Variants in NRK observed in about 807,000 individuals in gnomAD.
The protein encoded by NRK is nik-related protein kinase.
In NRK, 67 loss-of-function variants were observed where a neutral mutation model predicts 125.2. The observed-to-expected ratio is 0.54, with a 90% CI of 0.44 to 0.66. The LOEUF (loss-of-function observed/expected upper bound fraction) is 0.66. Ranked by LOEUF, NRK falls within the 30% of genes least tolerant of loss-of-function variation. The probability of loss-of-function intolerance (pLI) is 0.00; values close to 1 mark genes in which losing one functional copy is unlikely to be tolerated. For missense variants in NRK, 1,224 were observed against 1,192.9 expected, an observed-to-expected ratio of 1.03 and a Z score of -0.38; for synonymous variants, 458 against 429.0, an observed-to-expected ratio of 1.07 and a Z score of -0.84.
chrX:105,844,011 GTGTGTGTC>G (rs1344131596), intron 2 of NRK, among the ~76,000 whole-genome samples: 2 of 87,253 alleles, frequency 2.3e-5, no homozygotes, highest in Non-Finnish European at 4.5e-5. Flanking sequence ...GTGTGTGTGT[GTGTGTGTC>G]TGTGTGTGTG....
chrX:105,859,933 G>T (rs2039580312), intron 2 of NRK, among the ~76,000 whole-genome samples: 1 of 111,858 alleles, frequency 8.9e-6, no homozygotes, highest in Admixed American at 9.5e-5. Context: ...TAGCTTAGAT[G>T]ACCCTGAACC....
chrX:105,924,811 G>A lies in NRK; in HGVS notation c.3092G>A (p.Ser1031Asn). 7.4e-6 allele frequency: 9 copies of A among 1,210,587 alleles called. No homozygotes were observed. The highest frequency in any genetic ancestry group is 1.0e-5 in the Non-Finnish European group (9 of 894,800). ...SHTANRSHGG[S>N]AASEDNAAIG... ...ACAGCCAATAGAAGCCATGGAGGAA[G>A]TGCAGCCAGTGAGGACAATGCAGCC... Residue 1031 changes from serine to asparagine, a missense_variant, in exon 19 of 29, where the codon AGT (serine) becomes AAT (asparagine). By Grantham distance (46) the Ser-to-Asn change is conservative (BLOSUM62 1). Coordinates refer to ENST00000243300, the MANE Select transcript of NRK (RefSeq NM_198465.4).
intron 1 of NRK, among the ~76,000 whole-genome samples, chrX:105,825,611 G>A (rs949339821): frequency 1.3e-4 from 14 of 111,811 alleles, no homozygotes; most frequent in Non-Finnish European, 2.6e-4. Context: ...TTTGTTATTA[G>A]ATAGATATTA....
At chrX:105,929,764 G>C (rs181132518) in intron 19 of NRK, among the ~76,000 whole-genome samples, 22 of 111,539 alleles carry the variant, frequency 2.0e-4, no homozygotes, top group South Asian at 1.5e-3. Context: ...TTTCTTGTAA[G>C]ACCTCTCTAG....
intron 2 of NRK, among the ~76,000 whole-genome samples, chrX:105,866,992 G>A (rs1408391547): frequency 9.0e-6 from 1 of 110,561 alleles, no homozygotes; most frequent in African/African-American, 3.3e-5. Flanking sequence ...GTGAATTTTT[G>A]TTGAATTGGT....
At chrX:105,877,293 A>G (rs2039827387) in intron 2 of NRK, among the ~76,000 whole-genome samples, 1 of 111,836 alleles carries the variant, frequency 8.9e-6, no homozygotes, top group African/African-American at 3.2e-5. Context: ...CTTGTCACAC[A>G]CTGGAGAAGT....
intron 2 of NRK, among the ~76,000 whole-genome samples, chrX:105,877,538 A>G (rs1157212608): frequency 2.7e-5 from 3 of 111,411 alleles, no homozygotes; most frequent in Non-Finnish European, 3.8e-5. Context: ...AAACTGCTCT[A>G]TAAGTCTAAA....
At chrX:105,829,510 C>G (rs1194503860) in intron 1 of NRK, among the ~76,000 whole-genome samples, 3 of 111,659 alleles carry the variant, frequency 2.7e-5, no homozygotes, top group African/African-American at 9.8e-5. Context: ...CTACTCATGC[C>G]TTATATAAGT....
intron 24 of NRK, among the ~76,000 whole-genome samples, chrX:105,944,555 C>T (rs2040788625): frequency 9.0e-6 from 1 of 111,703 alleles, no homozygotes; most frequent in Admixed American, 9.5e-5. Context: ...ATATGAAGAC[C>T]TTCTCTTTCA....
Position 105,822,763 on chromosome X carries a change from C to G in NRK, c.-83C>G. On this transcript the variant is annotated 5_prime_UTR_variant, in exon 1 of 29. Transcript: ENST00000243300. ...CCCGCCCTCCTCCTTCCTCTCTCCT[C>G]CCTTCAACTCTTCATCCGCTTCCAC... 1.1e-6 allele frequency: 1 copy of G among 911,714 alleles called. No homozygotes were observed. The highest frequency in any genetic ancestry group is 1.6e-6 in the Non-Finnish European group (1 of 638,535). The allele number at this position is 911,714 out of a possible 1,213,427, so 75.1% of individuals were successfully genotyped here.
intron 2 of NRK, among the ~76,000 whole-genome samples, chrX:105,879,200 T>C (rs149257813): frequency 7.8e-4 from 86 of 110,781 alleles, no homozygotes; most frequent in African/African-American, 2.7e-3. Context: ...CAAATCCATA[T>C]GACCTCATCA....
At chrX:105,886,512 T>C (rs2039947551) in intron 4 of NRK, among the ~76,000 whole-genome samples, 1 of 103,189 alleles carries the variant, frequency 9.7e-6, no homozygotes, top group Non-Finnish European at 2.0e-5. Context: ...ATATTGATAA[T>C]TATATATATA....
At chrX:105,881,355 T>G (rs1289262644) in intron 3 of NRK, among the ~76,000 whole-genome samples, 1 of 111,700 alleles carries the variant, frequency 9.0e-6, no homozygotes, top group Non-Finnish European at 1.9e-5. Flanking sequence ...CTTGACATAC[T>G]TTTAACCTAC....
At chrX:105,825,467 T>A (rs775184431) in intron 1 of NRK, among the ~76,000 whole-genome samples, 3 of 112,050 alleles carry the variant, frequency 2.7e-5, no homozygotes, top group Non-Finnish European at 5.6e-5. Context: ...TAAATATGAC[T>A]CTAGTTTAAG....
intron 10 of NRK, among the ~76,000 whole-genome samples, chrX:105,906,168 T>G (rs772222419): frequency 3.4e-4 from 38 of 111,939 alleles, no homozygotes; most frequent in Non-Finnish European, 5.6e-4. Flanking sequence ...AGTTAACTCA[T>G]TGAAACTTCT....
At chrX:105,865,569 T>A (rs2039657931) in intron 2 of NRK, among the ~76,000 whole-genome samples, 1 of 110,723 alleles carries the variant, frequency 9.0e-6, no homozygotes, top group South Asian at 3.8e-4. Flanking sequence ...TCAGCAGCTG[T>A]TAAGGGGTGC....
At chrX:105,824,634 A>T (rs1020665194) in intron 1 of NRK, among the ~76,000 whole-genome samples, 1 of 101,316 alleles carries the variant, frequency 9.9e-6, no homozygotes. Context: ...AAAAAAAAAA[A>T]TGTGGGGAAA....
At chrX:105,900,094 G>T (rs949480181) in intron 8 of NRK, among the ~76,000 whole-genome samples, 1 of 108,828 alleles carries the variant, frequency 9.2e-6, no homozygotes, top group Non-Finnish European at 1.9e-5. Context: ...GTAGTGAAGA[G>T]AATTTTCTAG....
chrX:105,934,574 A>G (rs1343103978), intron 20 of NRK, 130 bp downstream of exon 20: 2 of 430,311 alleles, frequency 4.6e-6, no homozygotes, highest in Non-Finnish European at 7.8e-6. Context: ...TCAGATTGAT[A>G]TATGCTTTTA....
Sources: allele counts gnomAD v4.1 joint callset (sites outside exome capture counted in the v4.1 genomes callset), GRCh38; gene constraint gnomAD v4.1.1; transcripts MANE v1.5; gene names NCBI Gene and HGNC (gene_info 2026-07-23, HGNC 2026-07-21).